Variants in EYS observed in about 807,000 individuals in gnomAD.
The protein encoded by EYS is EGF-like photoreceptor maintenance factor.
In EYS, 250 loss-of-function variants were observed where a neutral mutation model predicts 282.1. The ratio of observed to expected loss-of-function variants is 0.89; its 90% CI spans 0.80 to 0.98. The LOEUF is 0.98. EYS is among the 50% of genes least tolerant of loss of function. EYS has a pLI of 0.00. For synonymous variants in EYS, 1,355 were observed against 1,282.9 expected, an observed-to-expected ratio of 1.06 and a Z score of -1.20; for missense variants, 4,016 against 3,709.0, an observed-to-expected ratio of 1.08 and a Z score of -2.15.
intron 30 of EYS, among the ~76,000 whole-genome samples, chr6:64,268,196 T>C (rs1767821978): frequency 6.6e-6 from 1 of 152,010 alleles, no homozygotes; most frequent in Non-Finnish European, 1.5e-5. Flanking sequence ...AAGAGAGAAG[T>C]AGATTTTTGT....
At chr6:64,485,400 G>C (rs183747075) in intron 26 of EYS, among the ~76,000 whole-genome samples, 17 of 151,674 alleles carry the variant, frequency 1.1e-4, no homozygotes, top group Admixed American at 9.2e-4. Context: ...GAAACCTAAG[G>C]ATGTTAAGAG....
intron 22 of EYS, among the ~76,000 whole-genome samples, chr6:64,637,075 C>T (rs1252388512): frequency 9.3e-6 from 1 of 107,560 alleles, no homozygotes; most frequent in African/African-American, 3.6e-5. Context: ...CCATTTGACC[C>T]AGCCATCCCA....
At chr6:64,917,770 G>A (rs558096935) in intron 15 of EYS, among the ~76,000 whole-genome samples, 48 of 152,184 alleles carry the variant, frequency 3.2e-4, no homozygotes, top group South Asian at 1.0e-3. Flanking sequence ...CAAAATGTAT[G>A]CATATATCAA....
At chr6:64,742,545 C>A (rs78305459) in intron 22 of EYS, among the ~76,000 whole-genome samples, 1 of 151,938 alleles carries the variant, frequency 6.6e-6, no homozygotes, top group Non-Finnish European at 1.5e-5. Flanking sequence ...TAAAACTGAT[C>A]GAGAGAGTAG....
At chr6:63,918,339 C>G (rs748062310) in intron 35 of EYS, among the ~76,000 whole-genome samples, 1 of 151,954 alleles carries the variant, frequency 6.6e-6, no homozygotes, top group Non-Finnish European at 1.5e-5. Flanking sequence ...TTAACATGAA[C>G]GCATTGATTA....
At chr6:64,812,527 G>A (rs192019450) in intron 22 of EYS, among the ~76,000 whole-genome samples, 3 of 151,836 alleles carry the variant, frequency 2.0e-5, no homozygotes, top group Admixed American at 6.6e-5. Context: ...CAGAAAATAC[G>A]GAAGTGACAG....
intron 22 of EYS, among the ~76,000 whole-genome samples, chr6:64,731,364 C>A (rs576783365): frequency 4.1e-4 from 63 of 152,198 alleles, no homozygotes; most frequent in Middle Eastern, 3.4e-3. Context: ...AAAAAACTAT[C>A]ATTACAGTGA....
At chr6:63,806,986 T>A (rs1038782490) in intron 36 of EYS, 1 of 152,208 alleles carries the variant, frequency 6.6e-6, no homozygotes, top group East Asian at 1.9e-4. Context: ...AAACATGGAA[T>A]TCAATTGGTG....
intron 29 of EYS, among the ~76,000 whole-genome samples, chr6:64,384,128 A>G (rs1326615658): frequency 6.6e-6 from 1 of 152,174 alleles, no homozygotes; most frequent in East Asian, 1.9e-4. Context: ...TTTGATGGCT[A>G]ATGATTGACA....
chr6:64,303,756 G>T (rs916336455), intron 30 of EYS, among the ~76,000 whole-genome samples: 1 of 149,670 alleles, frequency 6.7e-6, no homozygotes, highest in East Asian at 2.0e-4. Context: ...CAGGAGAATG[G>T]CGTGAACCCG....
chr6:64,655,353 T>C (rs925939295), intron 22 of EYS, among the ~76,000 whole-genome samples: 2 of 87,536 alleles, frequency 2.3e-5, no homozygotes, highest in Non-Finnish European at 2.4e-5. Flanking sequence ...TGAATCTTTT[T>C]CTGCTCAAAG....
chr6:64,688,564 T>C (rs1770247348), intron 22 of EYS, among the ~76,000 whole-genome samples: 1 of 152,216 alleles, frequency 6.6e-6, no homozygotes, highest in Admixed American at 6.5e-5. Context: ...TGAGTTCTAG[T>C]TTGATTGCAC....
chr6:64,802,017 C>CTTTCTTT (rs1764248200), intron 22 of EYS, among the ~76,000 whole-genome samples: 1 of 57,640 alleles, frequency 1.7e-5, no homozygotes, highest in Non-Finnish European at 3.6e-5. Context: ...TAACAAATTT[C>CTTTCTTT]TTTTTCTTTT....
chr6:65,196,460 A>G (rs1562016370), intron 12 of EYS, among the ~76,000 whole-genome samples: 1 of 152,074 alleles, frequency 6.6e-6, no homozygotes, highest in East Asian at 1.9e-4. Flanking sequence ...TACTCAACAA[A>G]TCTTCATCAA....
intron 19 of EYS, among the ~76,000 whole-genome samples, chr6:64,878,500 G>A (rs9363287): frequency 0.15 from 23,530 of 151,886 alleles, 2,147 homozygotes; most frequent in East Asian, 0.49. Flanking sequence ...TAGGATACTC[G>A]GAAATTCAAT....
intron 39 of EYS, among the ~76,000 whole-genome samples, chr6:63,780,434 G>A (rs567012120): frequency 8.5e-5 from 13 of 152,094 alleles, no homozygotes; most frequent in African/African-American, 2.7e-4. Flanking sequence ...TTTAATGATC[G>A]GCATTCTAAC....
At chr6:64,184,897 GTT>G (rs11306448) in intron 31 of EYS, among the ~76,000 whole-genome samples, 1 of 149,720 alleles carries the variant, frequency 6.7e-6, no homozygotes, top group Non-Finnish European at 1.5e-5. Context: ...TGGTCTGAAT[GTT>G]TTTTTTCTCC....
At chr6:64,116,568 T>G (rs978852538) in intron 31 of EYS, among the ~76,000 whole-genome samples, 2 of 152,128 alleles carry the variant, frequency 1.3e-5, no homozygotes, top group Non-Finnish European at 2.9e-5. Context: ...GGTTAAATTC[T>G]CCAATCAAAA....
chr6:63,981,276 T>C (rs1381725256), intron 35 of EYS, among the ~76,000 whole-genome samples: 1 of 151,798 alleles, frequency 6.6e-6, no homozygotes, highest in Non-Finnish European at 1.5e-5. Context: ...ACAGCATTCT[T>C]ATTCTGATAA....
Sources: gnomAD v4.1 joint callset for allele counts (sites outside exome capture counted in the v4.1 genomes callset) on GRCh38, gnomAD v4.1.1 for gene constraint, MANE v1.5 for transcripts, NCBI Gene and HGNC (gene_info 2026-07-23, HGNC 2026-07-21) for gene names.